Variants in NBEA observed in about 807,000 individuals in gnomAD.
The protein encoded by NBEA is lysosomal-trafficking regulator 2.
In NBEA, 44 loss-of-function variants were observed where a neutral mutation model predicts 343.4. The observed-to-expected ratio is 0.13, with a 90% CI of 0.10 to 0.16. NBEA has a LOEUF of 0.16. Among genes scored for constraint, NBEA ranks in the 10% least tolerant of loss-of-function variants. The probability of loss-of-function intolerance (pLI) is 1.00; values close to 1 mark genes in which losing one functional copy is unlikely to be tolerated. For synonymous variants in NBEA, 1,175 were observed against 1,238.7 expected (o/e 0.95, Z 1.08); for missense variants, 2,555 against 3,631.3 (o/e 0.70, Z 7.62).
chr13:35,119,103 C>G (rs543021153), intron 16 of NBEA, among the ~76,000 whole-genome samples: 1 of 152,150 alleles, frequency 6.6e-6, no homozygotes, highest in South Asian at 2.1e-4. Context: ...AATAACAGGC[C>G]AAAGCCAAAA....
chr13:35,601,857 A>T (rs2082071941), intron 47 of NBEA, among the ~76,000 whole-genome samples: 1 of 151,476 alleles, frequency 6.6e-6, no homozygotes, highest in East Asian at 1.9e-4. Context: ...GGAAACCTGG[A>T]TTTAAAGTAT....
chr13:35,044,334 A>G (rs2062765215), intron 2 of NBEA, among the ~76,000 whole-genome samples: 3 of 152,154 alleles, frequency 2.0e-5, no homozygotes, highest in Non-Finnish European at 2.9e-5. Context: ...AAAAGGGGAT[A>G]ATAATGGTAC....
At chr13:35,214,499 AT>A (rs1184366289) in intron 33 of NBEA, among the ~76,000 whole-genome samples, 1 of 151,636 alleles carries the variant, frequency 6.6e-6, no homozygotes, top group African/African-American at 2.4e-5. Context: ...GATGGTGAGT[AT>A]TCTTTTTTGC....
intron 17 of NBEA, among the ~76,000 whole-genome samples, chr13:35,129,885 A>G (rs2067322161): frequency 6.6e-6 from 1 of 152,092 alleles, no homozygotes; most frequent in South Asian, 2.1e-4. Context: ...TAAAAGAAAT[A>G]TAATATTTTA....
At chr13:35,081,019 C>T (rs1405166210) in intron 10 of NBEA, among the ~76,000 whole-genome samples, 3 of 152,016 alleles carry the variant, frequency 2.0e-5, no homozygotes, top group South Asian at 2.1e-4. Context: ...CTTTTTATAC[C>T]GCTAAAAGGT....
chr13:35,056,267 C>A, intron 7 of NBEA, 138 bp downstream of exon 7: 1 of 812,086 alleles, frequency 1.2e-6, no homozygotes, highest in Non-Finnish European at 1.7e-6. Flanking sequence ...ATAAATCTTT[C>A]ATTGTTAAAT....
intron 50 of NBEA, 82 bp downstream of exon 50, chr13:35,646,013 T>C: frequency 1.1e-6 from 1 of 917,126 alleles, no homozygotes; most frequent in Non-Finnish European, 1.7e-6. Flanking sequence ...TTTTCCACAT[T>C]TAACCCCAGC....
intron 38 of NBEA, among the ~76,000 whole-genome samples, chr13:35,382,567 A>T (rs1332277837): frequency 1.3e-5 from 2 of 152,180 alleles, no homozygotes; most frequent in African/African-American, 4.8e-5. Context: ...CATAACAATT[A>T]TCAATAAATA....
intron 1 of NBEA, among the ~76,000 whole-genome samples, chr13:34,985,542 T>C (rs2060513883): frequency 6.6e-6 from 1 of 151,074 alleles, no homozygotes; most frequent in African/African-American, 2.4e-5. Flanking sequence ...ATCAGGATGA[T>C]GCTGGCCTCA....
At chr13:35,305,935 A>G (rs2036864568) in intron 35 of NBEA, among the ~76,000 whole-genome samples, 1 of 152,274 alleles carries the variant, frequency 6.6e-6, no homozygotes, top group Non-Finnish European at 1.5e-5. Flanking sequence ...TGAGTATTCT[A>G]TTCTTCATAA....
intron 1 of NBEA, among the ~76,000 whole-genome samples, chr13:35,039,358 C>G (rs549414582): frequency 3.3e-5 from 5 of 152,208 alleles, no homozygotes; most frequent in South Asian, 2.1e-4. Flanking sequence ...TATGAAGAAG[C>G]TTTTTTCTGT....
At chr13:35,347,941 A>G (rs1403719714) in intron 36 of NBEA, among the ~76,000 whole-genome samples, 1 of 152,062 alleles carries the variant, frequency 6.6e-6, no homozygotes, top group East Asian at 1.9e-4. Flanking sequence ...CAGGGGAGCA[A>G]CAGACTCCAG....
At chr13:35,151,265 C>T (rs1028283982) in intron 18 of NBEA, among the ~76,000 whole-genome samples, 2 of 151,610 alleles carry the variant, frequency 1.3e-5, no homozygotes, top group Admixed American at 1.3e-4. Context: ...AGTCACAGGC[C>T]GGGCTCGGTG....
chr13:35,304,590 G>A (rs1566591734), intron 35 of NBEA, among the ~76,000 whole-genome samples: 2 of 152,084 alleles, frequency 1.3e-5, no homozygotes, highest in Non-Finnish European at 2.9e-5. Context: ...TATTCAGAAT[G>A]TTTTCATAAG....
chr13:35,515,269 A>G (rs2077438716), intron 41 of NBEA, among the ~76,000 whole-genome samples: 1 of 152,228 alleles, frequency 6.6e-6, no homozygotes, highest in Admixed American at 6.5e-5. Context: ...TTCATTGCTC[A>G]TCAGCTCTTT....
intron 41 of NBEA, among the ~76,000 whole-genome samples, chr13:35,543,820 C>G (rs2078942794): frequency 6.6e-6 from 1 of 152,018 alleles, no homozygotes; most frequent in Non-Finnish European, 1.5e-5. Flanking sequence ...AGGGAGTGTT[C>G]CATAGCTGCT....
chr13:35,173,632 C>G, intron 27 of NBEA, 38 bp downstream of exon 27: 1 of 1,572,952 alleles, frequency 6.4e-7, no homozygotes, highest in Non-Finnish European at 8.6e-7. Flanking sequence ...TATAATTTAC[C>G]TGAAAAAAAT....
rs560293148 is a variant in NBEA, at chr13:35,408,269, T to C, written c.6180-24000T>C. Among the ~76,000 whole-genome samples, 4 of 152,338 alleles carry C rather than the reference T, an allele frequency of 2.6e-5. No individual in the cohort carries two copies. The East Asian group carries it at 7.7e-4, about 29-fold the overall frequency. ...AGCAAGCAATGGAGAAAGGATTTCT[T>C]ATTCAATAAATTTAGTGCTAAGATA... On this transcript the variant is annotated intron_variant, in intron 38 of 58. Transcript: ENST00000379939.
At chr13:35,536,339 A>G (rs1346884051) in intron 41 of NBEA, among the ~76,000 whole-genome samples, 2 of 152,192 alleles carry the variant, frequency 1.3e-5, no homozygotes, top group African/African-American at 4.8e-5. Flanking sequence ...TTAATATATC[A>G]TAGAAATTTA....
Sources: allele counts gnomAD v4.1 joint callset (sites outside exome capture counted in the v4.1 genomes callset), GRCh38; gene constraint gnomAD v4.1.1; transcripts MANE v1.5; gene names NCBI Gene and HGNC (gene_info 2026-07-23, HGNC 2026-07-21).